Variants in BACH2 observed in about 807,000 individuals in gnomAD.
BACH2 encodes transcription regulator protein BACH2.
BACH2 carries 5 observed loss-of-function variants against 61.8 expected under a neutral mutation model. That is an observed-to-expected ratio of 0.08 (90% CI 0.04 to 0.17). The LOEUF is 0.17. Ranked by LOEUF, BACH2 falls within the 10% of genes least tolerant of loss-of-function variation. The pLI is 1.00. For missense variants in BACH2, 824 were observed against 1,091.1 expected (o/e 0.76, Z 3.45); for synonymous variants, 446 against 440.1 (o/e 1.01, Z -0.17).
chr6:90,169,427 C>T (rs1767739193), intron 4 of BACH2, among the ~76,000 whole-genome samples: 1 of 152,256 alleles, frequency 6.6e-6, no homozygotes, highest in Admixed American at 6.5e-5. Flanking sequence ...ATTCTGACCC[C>T]CTCCCTGATA....
In BACH2 at chr6:90,103,024, TA is replaced by T. The variant is rs1370419580; in HGVS notation, c.-161-13916del. ...CACAATACATATATATATATATATA[TA>T]TATATTTTTTTTTTTTTTTTTTTTT... On this transcript the variant is annotated intron_variant, in intron 4 of 8. Transcript: ENST00000257749. 3.3e-3 allele frequency among the ~76,000 whole-genome samples: 183 copies of T among 56,050 alleles called. 2 individuals are homozygous for T. Among genetic ancestry groups the T allele is most frequent in the African/African-American group, 0.014 (155 of 11,050 alleles). The allele number at this position is 56,050 out of a possible 152,430, so 36.8% of individuals were successfully genotyped here.
At chr6:89,968,672 T>C (rs562580642) in intron 6 of BACH2, among the ~76,000 whole-genome samples, 1 of 152,358 alleles carries the variant, frequency 6.6e-6, no homozygotes, top group African/African-American at 2.4e-5. Flanking sequence ...TTCACTGTGC[T>C]GGATGCTGAA....
At chr6:90,205,912 T>A (rs893684763) in intron 4 of BACH2, among the ~76,000 whole-genome samples, 5 of 152,202 alleles carry the variant, frequency 3.3e-5, no homozygotes, top group African/African-American at 1.2e-4. Context: ...GTATTCTTCG[T>A]TTATTCCCAT....
At chr6:90,113,451 T>C (rs1783262760) in intron 4 of BACH2, among the ~76,000 whole-genome samples, 2 of 152,050 alleles carry the variant, frequency 1.3e-5, no homozygotes, top group African/African-American at 4.8e-5. Context: ...CTCAAAACCA[T>C]ACAATCACAT....
rs1562415681 is a variant in BACH2 at position 90,065,639 on chromosome 6, G to C, written c.-13+23322C>G. Among the ~76,000 whole-genome samples, 4 of 152,154 alleles carry C rather than the reference G, an allele frequency of 2.6e-5. No individual in the cohort carries two copies. The South Asian group carries it at 8.3e-4, about 32-fold the overall frequency. ...CTCTATCCCAGATTATTCAGCCCCA[G>C]TCGAGCCAGTCCAAACTAGAAGAAC... On this transcript the variant is annotated intron_variant, in intron 5 of 8. Transcript: ENST00000257749.
intron 4 of BACH2, among the ~76,000 whole-genome samples, chr6:90,155,581 A>C (rs1784969024): frequency 6.6e-6 from 1 of 152,214 alleles, no homozygotes; most frequent in Non-Finnish European, 1.5e-5. Flanking sequence ...AATCATCACA[A>C]CATTCTGTAA....
At chr6:90,128,833 C>A (rs1009331313) in intron 4 of BACH2, among the ~76,000 whole-genome samples, 1 of 152,144 alleles carries the variant, frequency 6.6e-6, no homozygotes. Context: ...CAATGGTAGA[C>A]TGGATTAAGA....
chr6:90,288,246 C>T (rs1349739643), intron 1 of BACH2, among the ~76,000 whole-genome samples: 4 of 151,986 alleles, frequency 2.6e-5, no homozygotes, highest in Admixed American at 6.5e-5. Flanking sequence ...GTAATTCTCA[C>T]ACTAAATCAG....
chr6:90,152,848 C>T (rs538516871), intron 4 of BACH2, among the ~76,000 whole-genome samples: 6 of 152,180 alleles, frequency 3.9e-5, no homozygotes, highest in South Asian at 2.1e-4. Context: ...TCAGTTATAG[C>T]GCTAACATTT....
At chr6:90,004,955 A>G (rs553022970) in intron 6 of BACH2, among the ~76,000 whole-genome samples, 1 of 152,286 alleles carries the variant, frequency 6.6e-6, no homozygotes, top group East Asian at 1.9e-4. Flanking sequence ...AAGTCCTAGA[A>G]ATCCTAGGGA....
chr6:90,043,489 T>G (rs968670639), intron 5 of BACH2, among the ~76,000 whole-genome samples: 1 of 151,196 alleles, frequency 6.6e-6, no homozygotes, highest in Non-Finnish European at 1.5e-5. Context: ...CTTCCCTTCC[T>G]CTCTCCCTCC....
At chr6:90,027,528 G>A (rs951370739) in intron 5 of BACH2, among the ~76,000 whole-genome samples, 1 of 152,156 alleles carries the variant, frequency 6.6e-6, no homozygotes, top group Non-Finnish European at 1.5e-5. Context: ...TGCCATGGGG[G>A]CAGACAATAC....
At chr6:90,040,688 A>T (rs2127791016) in intron 5 of BACH2, among the ~76,000 whole-genome samples, 1 of 152,170 alleles carries the variant, frequency 6.6e-6, no homozygotes, top group South Asian at 2.1e-4. Flanking sequence ...TCATCTCAGG[A>T]GGATTTTAAA....
rs765983094 is a variant in BACH2 at position 89,950,555 on chromosome 6, G to C, written c.1551C>G (p.Thr517=). Residue 517 remains threonine (T), a synonymous_variant, in exon 7 of 9, where the codon ACC becomes ACG. Coordinates refer to ENST00000257749, the MANE Select transcript of BACH2 (RefSeq NM_021813.4). The surrounding 1 kb of genome is among the most constrained non-coding windows in gnomAD (Gnocchi z 5.3). ...AGGAAGAGCAGGAGCTGGAAGTCCT[G>C]GTCCTGGTCTCCAAGGGGGGTGAGC... ...CPRSPPLETR[T]RTSSSCSSYS... The C allele has an allele frequency of 6.2e-7, 1 of 1,611,290 alleles. No individual in the cohort carries two copies. The highest frequency in any genetic ancestry group is 8.5e-7 in the Non-Finnish European group (1 of 1,178,044).
At chr6:90,048,581 G>T (rs893404198) in intron 5 of BACH2, among the ~76,000 whole-genome samples, 1 of 152,148 alleles carries the variant, frequency 6.6e-6, no homozygotes, top group African/African-American at 2.4e-5. Flanking sequence ...GAAATATAAT[G>T]GTTTCTTGGG....
intron 5 of BACH2, among the ~76,000 whole-genome samples, chr6:90,083,485 A>T (rs1431789130): frequency 1.3e-5 from 2 of 152,206 alleles, no homozygotes; most frequent in Non-Finnish European, 2.9e-5. Flanking sequence ...CTGAAATGGA[A>T]TATTACAAAT....
chr6:89,978,980 T>C (rs1392524764), intron 6 of BACH2, among the ~76,000 whole-genome samples: 1 of 152,206 alleles, frequency 6.6e-6, no homozygotes. Flanking sequence ...CGCTAGCTCA[T>C]TTATACCAAT....
At chr6:90,150,057 T>C (rs1378540813) in intron 4 of BACH2, among the ~76,000 whole-genome samples, 2 of 152,278 alleles carry the variant, frequency 1.3e-5, no homozygotes, top group Admixed American at 6.5e-5. Context: ...ATGAAAACAT[T>C]AGGTCTCCTC....
intron 5 of BACH2, among the ~76,000 whole-genome samples, chr6:90,029,074 A>C (rs992661614): frequency 1.3e-5 from 2 of 152,174 alleles, no homozygotes; most frequent in Non-Finnish European, 2.9e-5. Context: ...TCTTCACGTA[A>C]GTATTTCCTG....
Sources: allele counts gnomAD v4.1 joint callset (sites outside exome capture counted in the v4.1 genomes callset), GRCh38; gene constraint gnomAD v4.1.1; non-coding constraint Gnocchi (gnomAD v3.1); transcripts MANE v1.5; gene names NCBI Gene and HGNC (gene_info 2026-07-23, HGNC 2026-07-21).